The following COX7A2L variants were observed in gnomAD, a reference collection of about 807,000 sequenced individuals.
The protein encoded by COX7A2L is cytochrome c oxidase subunit 7A2 like, also known as cytochrome c oxidase subunit 7A2-like, mitochondrial.
A neutral mutation model predicts 14.2 loss-of-function variants in COX7A2L; 18 were observed. That is an observed-to-expected ratio of 1.27 (90% CI 0.88 to 1.88). The LOEUF is 1.88. COX7A2L is among the 40% of genes most tolerant of loss of function. The pLI is 0.00. For missense variants in COX7A2L, 179 were observed against 138.8 expected (o/e 1.29, Z -1.46); for synonymous variants, 65 against 57.4 (o/e 1.13, Z -0.60).
upstream of COX7A2L, among the ~76,000 whole-genome samples, chr2:42,362,438 A>T (rs993043762): frequency 6.6e-6 from 1 of 152,240 alleles, no homozygotes; most frequent in Non-Finnish European, 1.5e-5. Context: ...AATCTTCACA[A>T]CAATCCTATA....
At chr2:42,358,583 A>T (rs1670906179) in intron 1 of COX7A2L, among the ~76,000 whole-genome samples, 1 of 152,242 alleles carries the variant, frequency 6.6e-6, no homozygotes, top group South Asian at 2.1e-4. Flanking sequence ...TTTACAATTC[A>T]TATAAAGCCT....
At chr2:42,361,254 C>T (rs928941758), upstream of COX7A2L, 9 of 1,239,474 alleles carry the variant, frequency 7.3e-6, no homozygotes, top group South Asian at 1.4e-5. Context: ...AGACTCAGCG[C>T]AAGGACCCGG....
chr2:42,346,766 A>C (rs1433198140), downstream of COX7A2L, among the ~76,000 whole-genome samples: 1 of 152,206 alleles, frequency 6.6e-6, no homozygotes, highest in African/African-American at 2.4e-5. Context: ...TCTCAAAAAA[A>C]AAAAGGAAAT....
At chr2:42,362,281 T>C (rs182481789), upstream of COX7A2L, among the ~76,000 whole-genome samples, 3 of 152,338 alleles carry the variant, frequency 2.0e-5, no homozygotes, top group East Asian at 5.8e-4. Flanking sequence ...TACTAGTTTC[T>C]TACTCTCCAG....
At chr2:42,368,510 T>C (rs1671210183) in intron 1 of COX7A2L, among the ~76,000 whole-genome samples, 1 of 152,244 alleles carries the variant, frequency 6.6e-6, no homozygotes, top group Non-Finnish European at 1.5e-5. Flanking sequence ...TTTTCCACCA[T>C]TGTGCAATGA....
rs1436401948 is a variant in COX7A2L, at chr2:42,336,257, A to G, written c.193-2388T>C. On this transcript the variant is annotated intron_variant, in intron 2 of 2. Transcript: ENST00000468711. ...CTTCCGTCCCTTCTCCCTGTTAGCA[A>G]TATAATCCTGTAGTCCTGAAAATAG... Among the ~76,000 whole-genome samples, 5 of 152,144 alleles carry G rather than the reference A, an allele frequency of 3.3e-5. No individual in the cohort carries two copies. In the South Asian group the frequency reaches 8.3e-4, roughly 25 times the overall value.
intron 2 of COX7A2L, among the ~76,000 whole-genome samples, chr2:42,340,122 T>C (rs745539041): frequency 9.2e-5 from 14 of 152,244 alleles, no homozygotes; most frequent in Non-Finnish European, 1.5e-4. Flanking sequence ...AGAAGACCCA[T>C]AGGCAACCCA....
chr2:42,339,821 CTTTGG>C lies in COX7A2L; in HGVS notation c.193-5957_193-5953del, dbSNP rs1441805663. On this transcript the variant is annotated intron_variant, in intron 2 of 2. Transcript: ENST00000468711. The surrounding 1 kb of genome is among the most constrained non-coding windows in gnomAD (Gnocchi z 5.4). ...TCTGCCCTCCTGTCGCCACTGAAGACTTTGGTTTGGTTTTAGCTTTTACATGAATG... is the reference window on the plus strand; with the variant it reads ...TCTGCCCTCCTGTCGCCACTGAAGACTTTGGTTTTAGCTTTTACATGAATG... 2.6e-5 allele frequency among the ~76,000 whole-genome samples: 4 copies of C among 152,092 alleles called. No individual in the cohort carries two copies. The highest frequency in any genetic ancestry group is 9.7e-5 in the African/African-American group (4 of 41,396).
intron 1 of COX7A2L, among the ~76,000 whole-genome samples, chr2:42,354,631 C>T (rs1444590328): frequency 1.3e-5 from 2 of 152,190 alleles, no homozygotes; most frequent in Admixed American, 1.3e-4. Flanking sequence ...CAGGCAAGCA[C>T]TAGATGAACA....
rs1670338628 is a variant in COX7A2L, at chr2:42,338,694, T to C, written c.193-4825A>G. On this transcript the variant is annotated intron_variant, in intron 2 of 2. Transcript: ENST00000468711. The surrounding 1 kb of genome is among the most constrained non-coding windows in gnomAD (Gnocchi z 4.4). ...CCTGTCGAGGGGCCAGTGAGGAATC[T>C]GACAGCAGGACTCTAACCACTGGCT... Among the ~76,000 whole-genome samples the C allele has an allele frequency of 6.6e-6, 1 of 152,108 alleles. No individual in the cohort carries two copies. Among genetic ancestry groups the C allele is most frequent in the African/African-American group, 2.4e-5 (1 of 41,414 alleles).
chr2:42,338,498 G>A lies in COX7A2L; in HGVS notation c.193-4629C>T, dbSNP rs754986145. ...GTGTTGATGTGGCCTGCCATGTGCT[G>A]CCCGTGAACATCTCCTCACCAGAAT... On this transcript the variant is annotated intron_variant, in intron 2 of 2. Transcript: ENST00000468711. The surrounding 1 kb of genome is among the most constrained non-coding windows in gnomAD (Gnocchi z 4.4). Among the ~76,000 whole-genome samples the A allele has an allele frequency of 3.3e-5, 5 of 152,156 alleles. No individual in the cohort carries two copies. Among genetic ancestry groups the A allele is most frequent in the African/African-American group, 4.8e-5 (2 of 41,430 alleles).
downstream of COX7A2L, among the ~76,000 whole-genome samples, chr2:42,344,390 C>T (rs1670455130): frequency 2.6e-5 from 4 of 152,192 alleles, no homozygotes. Context: ...GAATGAAAGT[C>T]TCCTTTTGCT....
At chr2:42,352,118 C>G (rs1432852009) in intron 2 of COX7A2L, among the ~76,000 whole-genome samples, 2 of 152,064 alleles carry the variant, frequency 1.3e-5, no homozygotes, top group African/African-American at 4.8e-5. Context: ...TTCTTTCCGT[C>G]ACACTGTTAA....
intron 1 of COX7A2L, among the ~76,000 whole-genome samples, chr2:42,358,353 CT>C (rs1324222950): frequency 3.9e-5 from 6 of 152,232 alleles, no homozygotes; most frequent in African/African-American, 1.4e-4. Flanking sequence ...CAACTGCTTG[CT>C]GTCAAGCTGA....
At chr2:42,340,372 T>G (rs773154721) in intron 2 of COX7A2L, among the ~76,000 whole-genome samples, 3 of 152,178 alleles carry the variant, frequency 2.0e-5, no homozygotes, top group Non-Finnish European at 2.9e-5. Context: ...ATAACAACTC[T>G]TAATTATCAA....
At chr2:42,347,647 C>A (rs563737058), downstream of COX7A2L, among the ~76,000 whole-genome samples, 1 of 152,166 alleles carries the variant, frequency 6.6e-6, no homozygotes, top group African/African-American at 2.4e-5. Flanking sequence ...GTTGGCCGGG[C>A]GTGGTGGCTC....
chr2:42,362,669 G>C (rs1429105965), upstream of COX7A2L, among the ~76,000 whole-genome samples: 2 of 152,128 alleles, frequency 1.3e-5, no homozygotes. Flanking sequence ...CCAGCATCCT[G>C]GTTGCAGGCT....
Position 42,338,901 on chromosome 2 carries a change from G to C in COX7A2L, c.193-5032C>G, listed in dbSNP as rs1572782018. Among the ~76,000 whole-genome samples, 2 of 152,210 alleles carry C rather than the reference G, an allele frequency of 1.3e-5. No homozygotes were observed. The highest frequency in any genetic ancestry group is 1.5e-5 in the Non-Finnish European group (1 of 68,038). On this transcript the variant is annotated intron_variant, in intron 2 of 2. Coordinates refer to the COX7A2L transcript ENST00000468711. The surrounding 1 kb of genome is among the most constrained non-coding windows in gnomAD (Gnocchi z 4.4). Reference sequence around the variant, plus strand: ...CCTTGCCCACATCCAATCCAAAGGGGAGAGACATCCTGGCGAGCTCAGCAC... The same window carrying C: ...CCTTGCCCACATCCAATCCAAAGGGCAGAGACATCCTGGCGAGCTCAGCAC...
chr2:42,355,476 G>C (rs138300583), intron 1 of COX7A2L, among the ~76,000 whole-genome samples: 209 of 152,290 alleles, frequency 1.4e-3, no homozygotes, highest in African/African-American at 4.9e-3. Context: ...GTTTGTCCAA[G>C]CATGCAGTGA....
Sources: gnomAD v4.1 joint callset for allele counts (sites outside exome capture counted in the v4.1 genomes callset) on GRCh38, gnomAD v4.1.1 for gene constraint, Gnocchi (gnomAD v3.1) non-coding constraint, MANE v1.5 for transcripts, NCBI Gene and HGNC (gene_info 2026-07-23, HGNC 2026-07-21) for gene names.